Variants in FCHSD2 observed in about 807,000 individuals in gnomAD.
FCHSD2 encodes FCH and double SH3 domains 2.
A neutral mutation model predicts 108.1 loss-of-function variants in FCHSD2; 38 were observed. That is an observed-to-expected ratio of 0.35 (90% CI 0.27 to 0.46). The LOEUF (loss-of-function observed/expected upper bound fraction) is 0.46, where lower values mean the gene tolerates loss of function less well. FCHSD2 is among the 20% of genes least tolerant of loss of function. The pLI is 1.00. For synonymous variants in FCHSD2, 279 were observed against 314.7 expected (o/e 0.89, Z 1.20); for missense variants, 751 against 897.8 (o/e 0.84, Z 2.09).
intron 2 of FCHSD2, among the ~76,000 whole-genome samples, chr11:73,088,591 GT>G (rs1307731743): frequency 6.6e-6 from 1 of 151,560 alleles, no homozygotes; most frequent in Admixed American, 6.6e-5. Flanking sequence ...AACATATAAT[GT>G]TTGAAAAAAA....
intron 3 of FCHSD2, among the ~76,000 whole-genome samples, chr11:73,044,311 C>G (rs1858706220): frequency 2.0e-5 from 3 of 152,120 alleles, no homozygotes; most frequent in Admixed American, 2.0e-4. Flanking sequence ...AGTGTGGTGT[C>G]TTATATCTGT....
At chr11:72,968,952 A>AT (rs1206494307) in intron 8 of FCHSD2, among the ~76,000 whole-genome samples, 22 of 152,272 alleles carry the variant, frequency 1.4e-4, no homozygotes, top group Non-Finnish European at 2.6e-4. Context: ...ATAGGTAATA[A>AT]TATTAAGGCT....
chr11:73,006,328 T>C (rs1732003080), intron 4 of FCHSD2, among the ~76,000 whole-genome samples: 1 of 152,212 alleles, frequency 6.6e-6, no homozygotes, highest in South Asian at 2.1e-4. Flanking sequence ...AACTAAATTC[T>C]TGATTTCCCT....
intron 9 of FCHSD2, among the ~76,000 whole-genome samples, chr11:72,919,673 T>C (rs1365727277): frequency 1.3e-5 from 2 of 152,170 alleles, no homozygotes; most frequent in Non-Finnish European, 2.9e-5. Context: ...GTTTCCTGTT[T>C]TATAAACTAA....
intron 9 of FCHSD2, among the ~76,000 whole-genome samples, chr11:72,911,941 T>C (rs960042094): frequency 6.6e-6 from 1 of 152,230 alleles, no homozygotes. Flanking sequence ...TCTTGATTTA[T>C]TTTTCAGAAT....
chr11:72,866,618 A>G (rs1193332576), intron 13 of FCHSD2, among the ~76,000 whole-genome samples: 2 of 152,208 alleles, frequency 1.3e-5, no homozygotes, highest in African/African-American at 4.8e-5. Flanking sequence ...ACAACCCCAA[A>G]GTCAAGTGGG....
At chr11:73,045,019 G>A (rs181477592) in intron 3 of FCHSD2, among the ~76,000 whole-genome samples, 6 of 149,978 alleles carry the variant, frequency 4.0e-5, no homozygotes, top group Admixed American at 1.3e-4. Flanking sequence ...GCAGTGAGCC[G>A]AGATCGCTCC....
intron 4 of FCHSD2, among the ~76,000 whole-genome samples, chr11:73,009,874 T>C (rs1273788730): frequency 6.6e-6 from 1 of 152,212 alleles, no homozygotes; most frequent in Admixed American, 6.5e-5. Context: ...TAATGTACCA[T>C]GGAGAATGCC....
intron 3 of FCHSD2, 84 bp from the exon 4 acceptor site, chr11:73,015,969 T>C (rs922904042): frequency 1.9e-5 from 14 of 738,146 alleles, no homozygotes; most frequent in Non-Finnish European, 2.0e-5. Context: ...ACTTAGAAAA[T>C]CTCATTTTTC....
chr11:73,043,745 G>A (rs2135466274), intron 3 of FCHSD2, among the ~76,000 whole-genome samples: 3 of 152,292 alleles, frequency 2.0e-5, no homozygotes. Flanking sequence ...GATATGATAT[G>A]TGTTACATTC....
At position 72,911,765 on chromosome 11, in the gene FCHSD2, G is replaced by A. The variant is rs143514898; in HGVS notation, c.829-9127C>T. Among the ~76,000 whole-genome samples the A allele has an allele frequency of 7.6e-4, 115 of 152,138 alleles. 1 individual carries two copies. The highest frequency in any genetic ancestry group is 1.4e-3 in the Non-Finnish European group (96 of 67,988). On this transcript the variant is annotated intron_variant, in intron 9 of 19. Transcript: ENST00000409418. ...TATGTTCGCTTTTGTTGCCTAGGCT[G>A]GAGTGCACTGGCACAATCCTGGCTC...
intron 3 of FCHSD2, among the ~76,000 whole-genome samples, chr11:73,058,060 T>C (rs1004333623): frequency 4.6e-5 from 7 of 152,074 alleles, no homozygotes; most frequent in Non-Finnish European, 7.4e-5. Flanking sequence ...TTTGTATTTT[T>C]AGTAGAGACA....
At chr11:73,031,405 G>T (rs1317571406) in intron 3 of FCHSD2, among the ~76,000 whole-genome samples, 1 of 151,936 alleles carries the variant, frequency 6.6e-6, no homozygotes, top group African/African-American at 2.4e-5. Context: ...GAGGGCGGGA[G>T]GTGGAGGCTG....
chr11:73,136,316 G>C (rs1591584596), intron 2 of FCHSD2, among the ~76,000 whole-genome samples: 1 of 151,844 alleles, frequency 6.6e-6, no homozygotes, highest in East Asian at 1.9e-4. Flanking sequence ...TCTCAAGCTG[G>C]GCACAGTGGC....
intron 17 of FCHSD2, among the ~76,000 whole-genome samples, chr11:72,842,251 GGAGA>G (rs368123466): frequency 2.6e-5 from 4 of 152,152 alleles, no homozygotes; most frequent in African/African-American, 9.7e-5. Flanking sequence ...TGACAGTGAG[GGAGA>G]GAGAGAGCCA....
intron 9 of FCHSD2, among the ~76,000 whole-genome samples, chr11:72,912,234 A>C (rs1855779463): frequency 6.6e-6 from 1 of 152,204 alleles, no homozygotes; most frequent in South Asian, 2.1e-4. Context: ...ATCTTAGAGG[A>C]AACGCATTCA....
intron 9 of FCHSD2, among the ~76,000 whole-genome samples, chr11:72,915,960 G>A (rs973222918): frequency 3.3e-5 from 5 of 152,188 alleles, no homozygotes; most frequent in Non-Finnish European, 5.9e-5. Flanking sequence ...GCAAACTAAT[G>A]TAGGAACAGA....
At chr11:72,990,066 G>A (rs1216045911) in intron 5 of FCHSD2, among the ~76,000 whole-genome samples, 3 of 152,158 alleles carry the variant, frequency 2.0e-5, no homozygotes, top group Non-Finnish European at 4.4e-5. Context: ...AAGGACTACA[G>A]GGGATGAGAC....
intron 2 of FCHSD2, among the ~76,000 whole-genome samples, chr11:73,127,791 T>C (rs1860893606): frequency 6.9e-6 from 1 of 143,934 alleles, no homozygotes; most frequent in African/African-American, 2.6e-5. Flanking sequence ...ACCTGAGAAG[T>C]AAAAAGAAGT....
Sources: gnomAD v4.1 joint callset for allele counts (sites outside exome capture counted in the v4.1 genomes callset) on GRCh38, gnomAD v4.1.1 for gene constraint, MANE v1.5 for transcripts, NCBI Gene and HGNC (gene_info 2026-07-23, HGNC 2026-07-21) for gene names.